The following NRXN1 variants were observed in gnomAD, a reference collection of about 807,000 sequenced individuals.
NRXN1 encodes neurexin 1.
NRXN1 carries 39 observed loss-of-function variants against 150.9 expected under a neutral mutation model. The observed-to-expected ratio is 0.26, with a 90% CI of 0.20 to 0.34. The LOEUF (loss-of-function observed/expected upper bound fraction) is 0.34, where lower values mean the gene tolerates loss of function less well. Ranked by LOEUF, NRXN1 falls within the 10% of genes least tolerant of loss-of-function variation. The probability of loss-of-function intolerance (pLI) is 1.00; values close to 1 mark genes in which losing one functional copy is unlikely to be tolerated. For missense variants in NRXN1, 1,815 were observed against 1,949.9 expected (o/e 0.93, Z 1.30); for synonymous variants, 924 against 757.0 (o/e 1.22, Z -3.62).
At chr2:50,943,922 T>C (rs148645192) in intron 2 of NRXN1, among the ~76,000 whole-genome samples, 1 of 152,152 alleles carries the variant, frequency 6.6e-6, no homozygotes, top group Non-Finnish European at 1.5e-5. Context: ...GAAGCAAATA[T>C]TATTTTTGGA....
At chr2:50,929,998 C>A (rs1687505908) in intron 2 of NRXN1, among the ~76,000 whole-genome samples, 1 of 152,008 alleles carries the variant, frequency 6.6e-6, no homozygotes, top group South Asian at 2.1e-4. Flanking sequence ...GAAAATGAAG[C>A]ATAAAGGTCC....
intron 5 of NRXN1, among the ~76,000 whole-genome samples, chr2:50,865,978 G>A (rs899740233): frequency 4.0e-5 from 6 of 151,550 alleles, no homozygotes; most frequent in East Asian, 2.0e-4. Context: ...ACAAAAAAAC[G>A]AACTCCAAAC....
intron 5 of NRXN1, among the ~76,000 whole-genome samples, chr2:50,756,006 A>G (rs1256286072): frequency 6.6e-6 from 1 of 151,858 alleles, no homozygotes; most frequent in Non-Finnish European, 1.5e-5. Flanking sequence ...GAAAGGGAAC[A>G]GGAGTAGGAT....
intron 2 of NRXN1, among the ~76,000 whole-genome samples, chr2:50,933,231 A>G (rs1688035535): frequency 6.6e-6 from 1 of 152,152 alleles, no homozygotes; most frequent in African/African-American, 2.4e-5. Flanking sequence ...CATACCCATC[A>G]CATAAATTGT....
chr2:50,621,592 G>C (rs1194908601), intron 6 of NRXN1, among the ~76,000 whole-genome samples: 10 of 152,098 alleles, frequency 6.6e-5, no homozygotes, highest in Admixed American at 6.6e-4. Context: ...CATTGGAAAA[G>C]TCTAAAAGGG....
intron 2 of NRXN1, among the ~76,000 whole-genome samples, chr2:50,969,383 T>C (rs1217151935): frequency 6.6e-6 from 1 of 152,156 alleles, no homozygotes; most frequent in African/African-American, 2.4e-5. Context: ...GTATCTCAAA[T>C]GTCATTACAC....
At chr2:50,118,622 G>A (rs1703407383) in intron 18 of NRXN1, among the ~76,000 whole-genome samples, 2 of 152,126 alleles carry the variant, frequency 1.3e-5, no homozygotes, top group African/African-American at 2.4e-5. Flanking sequence ...GTGGCTCTGT[G>A]TTTGATTTTA....
chr2:50,425,157 ATAAAG>A (rs2084380322), intron 17 of NRXN1, among the ~76,000 whole-genome samples: 2 of 152,198 alleles, frequency 1.3e-5, no homozygotes, highest in African/African-American at 2.4e-5. Flanking sequence ...CTCTTTTGTG[ATAAAG>A]TATTCTTTCA....
intron 15 of NRXN1, among the ~76,000 whole-genome samples, chr2:50,491,276 G>C (rs989258300): frequency 1.1e-4 from 16 of 152,182 alleles, no homozygotes; most frequent in African/African-American, 3.9e-4. Flanking sequence ...GGGGATATGT[G>C]TTATATTCAG....
intron 5 of NRXN1, among the ~76,000 whole-genome samples, chr2:50,639,887 T>C (rs1256672474): frequency 4.6e-5 from 7 of 152,184 alleles, no homozygotes; most frequent in African/African-American, 1.7e-4. Context: ...GACTCAAATG[T>C]TCGAATATTC....
Position 50,922,678 on chromosome 2 carries a change from T to C in NRXN1, c.800A>G (p.His267Arg). The change falls in exon 4 of 23, where the codon CAC (histidine) becomes CGC (arginine). Residue 267 changes from histidine (H) to arginine (R), a missense_variant. Coordinates refer to ENST00000401669, the MANE Select transcript of NRXN1 (RefSeq NM_001330078.2). Reference protein sequence around the residue: ...QEDNNVEGLAHLMMGDQGKSK... With the variant: ...QEDNNVEGLARLMMGDQGKSK... ...CATACCTTGGTCGCCCATCATCAGG[T>C]GCGCCAGACCTTGAAGGGAAACAAG... 1.2e-6 allele frequency: 2 copies of C among 1,610,470 alleles called. No homozygotes were observed. The highest frequency in any genetic ancestry group is 1.7e-6 in the Non-Finnish European group (2 of 1,178,160).
At chr2:50,135,705 G>A (rs1419780547) in intron 18 of NRXN1, among the ~76,000 whole-genome samples, 3 of 151,158 alleles carry the variant, frequency 2.0e-5, no homozygotes, top group East Asian at 3.9e-4. Context: ...AACAAAAAAC[G>A]AAAAACAAAA....
intron 19 of NRXN1, among the ~76,000 whole-genome samples, chr2:50,079,988 TG>T (rs1423859195): frequency 3.3e-5 from 5 of 152,126 alleles, no homozygotes; most frequent in Admixed American, 6.5e-5. Flanking sequence ...GTAAATGGCA[TG>T]CAATTTAAAT....
chr2:50,492,246 A>G (rs1323603669), intron 15 of NRXN1, among the ~76,000 whole-genome samples: 1 of 152,158 alleles, frequency 6.6e-6, no homozygotes, highest in Non-Finnish European at 1.5e-5. Flanking sequence ...AACCAGAGGG[A>G]ATAGAACACA....
chr2:50,498,688 A>C (rs1267948286), intron 13 of NRXN1, among the ~76,000 whole-genome samples: 1 of 152,214 alleles, frequency 6.6e-6, no homozygotes, highest in Non-Finnish European at 1.5e-5. Flanking sequence ...TAAGATAAAT[A>C]AGCAAAGATG....
At chr2:50,135,045 C>A (rs1260941087) in intron 18 of NRXN1, among the ~76,000 whole-genome samples, 3 of 152,164 alleles carry the variant, frequency 2.0e-5, no homozygotes, top group Non-Finnish European at 1.5e-5. Flanking sequence ...ATATTATGCA[C>A]CAGAATATAA....
chr2:50,667,673 T>C (rs1163133733), intron 5 of NRXN1, among the ~76,000 whole-genome samples: 3 of 151,994 alleles, frequency 2.0e-5, no homozygotes, highest in South Asian at 2.1e-4. Context: ...ACGTTCTCTA[T>C]TGTTTCCCTA....
chr2:50,668,551 T>C (rs1186099103), intron 5 of NRXN1, among the ~76,000 whole-genome samples: 1 of 151,906 alleles, frequency 6.6e-6, no homozygotes, highest in Non-Finnish European at 1.5e-5. Context: ...GTACAATAGG[T>C]TGTGTTTTGC....
At chr2:50,576,413 C>A (rs147400513) in intron 8 of NRXN1, among the ~76,000 whole-genome samples, 179 of 152,068 alleles carry the variant, frequency 1.2e-3, no homozygotes, top group African/African-American at 4.1e-3. Flanking sequence ...CCTATAATTC[C>A]TTTTTATAGT....
Sources: allele counts gnomAD v4.1 joint callset (sites outside exome capture counted in the v4.1 genomes callset), GRCh38; gene constraint gnomAD v4.1.1; transcripts MANE v1.5; gene names NCBI Gene and HGNC (gene_info 2026-07-23, HGNC 2026-07-21).